The following SAP30 variants were observed in gnomAD, a reference collection of about 807,000 sequenced individuals.
SAP30 encodes histone deacetylase complex subunit SAP30.
A neutral mutation model predicts 19.6 loss-of-function variants in SAP30; 13 were observed. That is an observed-to-expected ratio of 0.66 (90% CI 0.43 to 1.05). The LOEUF is 1.05. SAP30 is among the 50% of genes least tolerant of loss of function. SAP30 has a pLI of 0.00. For missense variants in SAP30, 257 were observed against 292.1 expected (o/e 0.88, Z 0.88); for synonymous variants, 108 against 122.7 (o/e 0.88, Z 0.79).
At chr4:173,376,403 T>C (rs1279380185) in intron 3 of SAP30, among the ~76,000 whole-genome samples, 1 of 152,178 alleles carries the variant, frequency 6.6e-6, no homozygotes, top group African/African-American at 2.4e-5. Flanking sequence ...TGAATGAATA[T>C]AATTTGCAGC....
chr4:173,374,038 G>T lies in SAP30; in HGVS notation c.540+1G>T. Reference sequence around the variant, plus strand: ...ACTTAATAAAGCACAACTTGTTGAGGTATATATGAGTTTTAAACTATTTGA... The same window carrying T: ...ACTTAATAAAGCACAACTTGTTGAGTTATATATGAGTTTTAAACTATTTGA... On this transcript the variant is annotated splice_donor_variant, in intron 3 of 3. Coordinates refer to ENST00000296504, the MANE Select transcript of SAP30 (RefSeq NM_003864.4). LOFTEE classifies it high-confidence loss of function. 6.5e-7 allele frequency: 1 copy of T among 1,542,354 alleles called. No individual in the cohort carries two copies. The highest frequency in any genetic ancestry group is 8.9e-7 in the Non-Finnish European group (1 of 1,128,914).
chr4:173,371,553 C>A lies in SAP30; in HGVS notation c.315+56C>A. The A allele has an allele frequency of 6.5e-7, 1 of 1,548,174 alleles. No individual in the cohort carries two copies. Among genetic ancestry groups the A allele is most frequent in the East Asian group, 2.5e-5 (1 of 40,654 alleles). On this transcript the variant is annotated intron_variant, in intron 1 of 3. Coordinates refer to ENST00000296504, the MANE Select transcript of SAP30 (RefSeq NM_003864.4). This position sits in a 1 kb window ranked among gnomAD's most constrained non-coding sequence, Gnocchi z 6.4. ...CCGCCCCTCGGTGGGGCCCCAGGAG[C>A]CGGGCAAAGGCACGGGTTGTCGGCG... is the stretch of plus-strand genomic sequence containing the variant.
rs1738941488 is a variant in SAP30 at position 173,371,787 on chromosome 4, G to A, written c.315+290G>A. ...GTCTTCCCTCTTCCTTCTCCTCTGCGACCGGGACACGAAACAAAGGGGACC... is the reference window on the plus strand; with the variant it reads ...GTCTTCCCTCTTCCTTCTCCTCTGCAACCGGGACACGAAACAAAGGGGACC... On this transcript the variant is annotated intron_variant, in intron 1 of 3. Transcript: ENST00000296504. The surrounding 1 kb of genome is among the most constrained non-coding windows in gnomAD (Gnocchi z 6.4). Among the ~76,000 whole-genome samples the A allele has an allele frequency of 6.6e-6, 1 of 152,032 alleles. No individual in the cohort carries two copies. Among genetic ancestry groups the A allele is most frequent in the African/African-American group, 2.4e-5 (1 of 41,398 alleles).
chr4:173,372,812 T>G (rs2126904784), intron 1 of SAP30, among the ~76,000 whole-genome samples: 1 of 152,322 alleles, frequency 6.6e-6, no homozygotes, highest in East Asian at 1.9e-4. Context: ...AGACAAAGTC[T>G]CACTCTGTTG....
chr4:173,372,310 G>T (rs912358106), intron 1 of SAP30, among the ~76,000 whole-genome samples: 1 of 152,196 alleles, frequency 6.6e-6, no homozygotes, highest in Non-Finnish European at 1.5e-5. Flanking sequence ...AGAAGTAAAT[G>T]TAAAAGCCTG....
chr4:173,374,674 T>C (rs1578951905), intron 3 of SAP30, among the ~76,000 whole-genome samples: 1 of 152,218 alleles, frequency 6.6e-6, no homozygotes, highest in African/African-American at 2.4e-5. Context: ...GAGCACCTAA[T>C]TGAGGCATAA....
intron 3 of SAP30, among the ~76,000 whole-genome samples, chr4:173,374,626 C>A (rs1430295411): frequency 6.6e-6 from 1 of 152,122 alleles, no homozygotes; most frequent in Non-Finnish European, 1.5e-5. Flanking sequence ...CTTTAGAAAT[C>A]TATTAATTTT....
At chr4:173,373,328 TA>T in intron 1 of SAP30, 61 bp from the exon 2 acceptor site, 1 of 1,443,178 alleles carries the variant, frequency 6.9e-7, no homozygotes, top group Non-Finnish European at 9.2e-7. Flanking sequence ...ATATGTGTTT[TA>T]CTAATACATA....
chr4:173,377,442 C>A lies in SAP30; in HGVS notation c.*115C>A, dbSNP rs1444115132. On this transcript the variant is annotated 3_prime_UTR_variant, in exon 4 of 4. Coordinates refer to ENST00000296504, the MANE Select transcript of SAP30 (RefSeq NM_003864.4). ...AGAGGATTTTCTCTGATTTTATTTT[C>A]TTTGTTTCTGACTCTAATAATTAGT... 2 of 1,056,348 alleles carry A rather than the reference C, an allele frequency of 1.9e-6. No homozygotes were observed. The highest frequency in any genetic ancestry group is 3.4e-5 in the African/African-American group (2 of 59,520). 65.4% of individuals were successfully genotyped at this position (1,056,348 alleles called of 1,614,324 possible).
At position 173,377,057 on chromosome 4, in the gene SAP30, T is replaced by A. The variant is rs1241561473; in HGVS notation, c.541-148T>A. On this transcript the variant is annotated intron_variant, in intron 3 of 3. Transcript: ENST00000296504. The stretch of plus-strand genomic sequence containing the variant: ...ATTTTATTCTTGAATGCTTTCTGTC[T>A]TGTTGATATTTTGTTAAATATAATT... 3.3e-5 allele frequency: 17 copies of A among 521,426 alleles called. No homozygotes were observed. In the East Asian group the frequency reaches 5.9e-4, roughly 18 times the overall value. 32.3% of individuals were successfully genotyped at this position (521,426 alleles called of 1,614,324 possible).
chr4:173,376,656 T>A (rs140227518), intron 3 of SAP30, among the ~76,000 whole-genome samples: 3 of 152,274 alleles, frequency 2.0e-5, no homozygotes, highest in Non-Finnish European at 4.4e-5. Flanking sequence ...TCTTGCTCTG[T>A]TGCCCAGGCT....
intron 2 of SAP30, among the ~76,000 whole-genome samples, chr4:173,373,730 C>T (rs1738990710): frequency 6.6e-6 from 1 of 152,068 alleles, no homozygotes; most frequent in Admixed American, 6.5e-5. Flanking sequence ...ACATAACTTA[C>T]TCTTTTTTTG....
At position 173,373,081 on chromosome 4, in the gene SAP30, GCC is replaced by G. The variant is rs1419245682; in HGVS notation, c.316-306_316-305del. Among the ~76,000 whole-genome samples, 3 of 152,142 alleles carry G rather than the reference GCC, an allele frequency of 2.0e-5. No homozygotes were observed. The East Asian group carries it at 5.8e-4, about 29-fold the overall frequency. Reference sequence around the variant, plus strand: ...TTACAGGCGTGAACCACCGCGCCCAGCCCCTCACTGCAATTTGATGACAAAAC... The same window carrying G: ...TTACAGGCGTGAACCACCGCGCCCAGCCTCACTGCAATTTGATGACAAAAC... On this transcript the variant is annotated intron_variant, in intron 1 of 3. Transcript: ENST00000296504.
chr4:173,374,287 G>T (rs1392180294), intron 3 of SAP30, among the ~76,000 whole-genome samples: 1 of 152,032 alleles, frequency 6.6e-6, no homozygotes. Flanking sequence ...TGTGTTGATT[G>T]TTTTTTGAGA....
At position 173,377,328 on chromosome 4, in the gene SAP30, G is replaced by A. The variant is rs761345318; in HGVS notation, c.*1G>A. On this transcript the variant is annotated 3_prime_UTR_variant, in exon 4 of 4. Transcript: ENST00000296504. The stretch of plus-strand genomic sequence containing the variant: ...CAAGGTTGATAGTGGTGTTCACTAG[G>A]AGACGTGGAATTGAGACTAATAACT... 8.1e-5 allele frequency: 129 copies of A among 1,599,682 alleles called. 3 individuals carry two copies. The South Asian group carries it at 1.5e-3, about 18-fold the overall frequency.
intron 1 of SAP30, among the ~76,000 whole-genome samples, chr4:173,372,046 C>T (rs759519542): frequency 9.2e-5 from 14 of 152,230 alleles, no homozygotes; most frequent in East Asian, 1.9e-4. Context: ...TGGCAGTGAG[C>T]CGGGGTTGTA....
chr4:173,373,995 G>T lies in SAP30; in HGVS notation c.498G>T (p.Lys166Asn), dbSNP rs753398992. 5.0e-6 allele frequency: 8 copies of T among 1,604,482 alleles called. No individual in the cohort carries two copies. The South Asian group carries it at 8.9e-5, about 18-fold the overall frequency. The stretch of plus-strand genomic sequence containing the variant: ...TTAGGAGATACAAAAGACACTTCAA[G>T]CTACCAACCAGACCAGGACTTAATA... ...NTLRRYKRHF[K>N]LPTRPGLNKA... The change falls in exon 3 of 4, where the codon AAG becomes AAT. Residue 166 changes from lysine to asparagine, a missense_variant. Transcript: ENST00000296504.
intron 3 of SAP30, among the ~76,000 whole-genome samples, chr4:173,375,104 A>G (rs1739012907): frequency 6.6e-6 from 1 of 151,174 alleles, no homozygotes; most frequent in Non-Finnish European, 1.5e-5. Context: ...TAAGCCTAGG[A>G]GTTTGAGTCA....
At chr4:173,374,600 G>A (rs991864422) in intron 3 of SAP30, among the ~76,000 whole-genome samples, 3 of 152,062 alleles carry the variant, frequency 2.0e-5, no homozygotes, top group Non-Finnish European at 4.4e-5. Context: ...TTGAATGAGA[G>A]TTTTTTTAAT....
Sources: allele counts gnomAD v4.1 joint callset (sites outside exome capture counted in the v4.1 genomes callset), GRCh38; gene constraint gnomAD v4.1.1; non-coding constraint Gnocchi (gnomAD v3.1); transcripts MANE v1.5; gene names NCBI Gene and HGNC (gene_info 2026-07-23, HGNC 2026-07-21).